SH3GL2: variants seen among roughly 807,000 people sequenced by gnomAD.
The protein encoded by SH3GL2 is SH3 domain containing GRB2 like 2, endophilin A1.
In SH3GL2, 24 loss-of-function variants were observed where a neutral mutation model predicts 46.0. The ratio of observed to expected loss-of-function variants is 0.52; its 90% CI spans 0.38 to 0.73. The LOEUF (loss-of-function observed/expected upper bound fraction) is 0.73. Among genes scored for constraint, SH3GL2 ranks in the 30% least tolerant of loss-of-function variants. The pLI is 0.00. For missense variants in SH3GL2, 413 were observed against 424.2 expected, an observed-to-expected ratio of 0.97 and a Z score of 0.23; for synonymous variants, 196 against 147.1, an observed-to-expected ratio of 1.33 and a Z score of -2.40.
intron 1 of SH3GL2, among the ~76,000 whole-genome samples, chr9:17,656,532 G>A (rs887651647): frequency 2.0e-5 from 3 of 151,928 alleles, no homozygotes; most frequent in Non-Finnish European, 4.4e-5. Flanking sequence ...AATATCACAA[G>A]TAATTAATTA....
rs143021028 is a variant in SH3GL2 at position 17,792,999 on chromosome 9, A to G, written c.729-368A>G. Among the ~76,000 whole-genome samples, 46 of 152,340 alleles carry G rather than the reference A, an allele frequency of 3.0e-4. No homozygotes were observed. The East Asian group carries it at 8.1e-3, about 27-fold the overall frequency. On this transcript the variant is annotated intron_variant, in intron 7 of 8. Transcript: ENST00000380607. ...GCATGCAATGCATAATAATCATATCATGGAGAATGGGGTATGCATCCCCTC... is the reference window on the plus strand; with the variant it reads ...GCATGCAATGCATAATAATCATATCGTGGAGAATGGGGTATGCATCCCCTC...
chr9:17,729,371 T>C (rs1271230671), intron 1 of SH3GL2, among the ~76,000 whole-genome samples: 1 of 152,196 alleles, frequency 6.6e-6, no homozygotes, highest in East Asian at 1.9e-4. Flanking sequence ...TAGCCCTTTG[T>C]CAGATGGATA....
chr9:17,651,033 G>A (rs1164317080), intron 1 of SH3GL2, among the ~76,000 whole-genome samples: 1 of 152,086 alleles, frequency 6.6e-6, no homozygotes, highest in African/African-American at 2.4e-5. Context: ...TGGTGTGTGT[G>A]TGTGAGAGAG....
intron 1 of SH3GL2, among the ~76,000 whole-genome samples, chr9:17,668,641 GT>G (rs1464964219): frequency 6.6e-6 from 1 of 151,832 alleles, no homozygotes; most frequent in African/African-American, 2.4e-5. Flanking sequence ...CTGTTCTTTT[GT>G]CTCAGAACCA....
intron 1 of SH3GL2, among the ~76,000 whole-genome samples, chr9:17,645,804 AT>A (rs948553972): frequency 7.9e-5 from 12 of 151,488 alleles, no homozygotes; most frequent in African/African-American, 2.9e-4. Context: ...TGCACTTAAC[AT>A]TTTTTCCTTC....
intron 1 of SH3GL2, among the ~76,000 whole-genome samples, chr9:17,703,150 G>A (rs1821379361): frequency 6.6e-6 from 1 of 151,984 alleles, no homozygotes; most frequent in Non-Finnish European, 1.5e-5. Flanking sequence ...TAGCCTGGGT[G>A]TTGCCAGAAT....
rs542761291 is a variant in SH3GL2, at chr9:17,734,420, A to G, written c.46-12646A>G. On this transcript the variant is annotated intron_variant, in intron 1 of 8. Coordinates refer to ENST00000380607, the MANE Select transcript of SH3GL2 (RefSeq NM_003026.5). ...TTACAATTGACAAAGCACTTACTCA[A>G]TTATACTGTACAGTCTTCACATAAT... Among the ~76,000 whole-genome samples, 90 of 152,218 alleles carry G rather than the reference A, an allele frequency of 5.9e-4. 2 individuals are homozygous for G. In the South Asian group the frequency reaches 0.016, roughly 27 times the overall value.
chr9:17,603,967 C>G (rs1485811757), intron 1 of SH3GL2, among the ~76,000 whole-genome samples: 1 of 152,126 alleles, frequency 6.6e-6, no homozygotes, highest in East Asian at 1.9e-4. Context: ...ATATATTTTA[C>G]TACAAATAAA....
chr9:17,704,202 A>G (rs926663368), intron 1 of SH3GL2, among the ~76,000 whole-genome samples: 1 of 152,040 alleles, frequency 6.6e-6, no homozygotes, highest in African/African-American at 2.4e-5. Flanking sequence ...TAGCCACAAA[A>G]AGAATAAAAC....
chr9:17,625,452 G>C (rs1437586880), intron 1 of SH3GL2, among the ~76,000 whole-genome samples: 1 of 152,182 alleles, frequency 6.6e-6, no homozygotes, highest in Non-Finnish European at 1.5e-5. Flanking sequence ...TTTCTTACCA[G>C]TATGGAGCTA....
intron 1 of SH3GL2, among the ~76,000 whole-genome samples, chr9:17,737,669 C>G (rs1822381011): frequency 1.3e-5 from 2 of 152,046 alleles, no homozygotes; most frequent in Non-Finnish European, 2.9e-5. Context: ...CTGATTATCC[C>G]TTTACTTTCT....
At chr9:17,782,060 A>G (rs2079690220) in intron 3 of SH3GL2, among the ~76,000 whole-genome samples, 1 of 152,142 alleles carries the variant, frequency 6.6e-6, no homozygotes, top group African/African-American at 2.4e-5. Context: ...CTTCATGAAT[A>G]TTTCTTTTGC....
At chr9:17,662,732 A>G (rs1176046141) in intron 1 of SH3GL2, among the ~76,000 whole-genome samples, 2 of 134,336 alleles carry the variant, frequency 1.5e-5, no homozygotes, top group Non-Finnish European at 3.1e-5. Flanking sequence ...TTTTTGAGAC[A>G]GAGTCTTGCT....
chr9:17,623,998 T>C (rs1019104532), intron 1 of SH3GL2, among the ~76,000 whole-genome samples: 3 of 152,202 alleles, frequency 2.0e-5, no homozygotes, highest in Non-Finnish European at 4.4e-5. Context: ...TAGTCTGGGG[T>C]CAAATACTTC....
At chr9:17,781,561 A>G (rs1362040661) in intron 3 of SH3GL2, among the ~76,000 whole-genome samples, 1 of 152,036 alleles carries the variant, frequency 6.6e-6, no homozygotes, top group Non-Finnish European at 1.5e-5. Flanking sequence ...CACATTTCTG[A>G]TGGATATACA....
chr9:17,603,714 G>T lies in SH3GL2; in HGVS notation c.45+24427G>T, dbSNP rs368797560. Among the ~76,000 whole-genome samples, 35 of 152,170 alleles carry T rather than the reference G, an allele frequency of 2.3e-4. No individual in the cohort carries two copies. The East Asian group carries it at 2.3e-3, about 10-fold the overall frequency. ...CATCTCTATTAGAAATACAAAATTA[G>T]CCGAGTGTGGTGGTGCATGCCTGTA... On this transcript the variant is annotated intron_variant, in intron 1 of 8. Coordinates refer to ENST00000380607, the MANE Select transcript of SH3GL2 (RefSeq NM_003026.5).
intron 1 of SH3GL2, among the ~76,000 whole-genome samples, chr9:17,676,763 C>T (rs1820621364): frequency 6.6e-6 from 1 of 152,230 alleles, no homozygotes. Context: ...CTGGCACCAT[C>T]TTCACTGATG....
At chr9:17,762,639 G>T (rs560872481) in intron 3 of SH3GL2, among the ~76,000 whole-genome samples, 2 of 152,316 alleles carry the variant, frequency 1.3e-5, no homozygotes, top group South Asian at 4.1e-4. Flanking sequence ...TTATGTGAGG[G>T]AGGAAAATAT....
At chr9:17,611,661 A>C (rs1224718746) in intron 1 of SH3GL2, among the ~76,000 whole-genome samples, 1 of 152,196 alleles carries the variant, frequency 6.6e-6, no homozygotes, top group Non-Finnish European at 1.5e-5. Context: ...ACATGGACTA[A>C]AGCTTTTAAT....
Sources: gnomAD v4.1 joint callset for allele counts (sites outside exome capture counted in the v4.1 genomes callset) on GRCh38, gnomAD v4.1.1 for gene constraint, MANE v1.5 for transcripts, NCBI Gene and HGNC (gene_info 2026-07-23, HGNC 2026-07-21) for gene names.